HECW2: variants seen among roughly 807,000 people sequenced by gnomAD.
HECW2 encodes HECT, C2 and WW domain containing E3 ubiquitin protein ligase 2, also known as E3 ubiquitin-protein ligase HECW2.
In HECW2, 61 loss-of-function variants were observed where a neutral mutation model predicts 175.2. That is an observed-to-expected ratio of 0.35 (90% CI 0.28 to 0.43). The LOEUF (loss-of-function observed/expected upper bound fraction) is 0.43. HECW2 is among the 20% of genes least tolerant of loss of function. HECW2 has a pLI of 1.00. For synonymous variants in HECW2, 671 were observed against 731.0 expected (o/e 0.92, Z 1.32); for missense variants, 1,524 against 2,000.5 (o/e 0.76, Z 4.54).
At chr2:196,342,352 C>G (rs371411539) in intron 3 of HECW2, among the ~76,000 whole-genome samples, 2 of 148,484 alleles carry the variant, frequency 1.3e-5, no homozygotes, top group African/African-American at 5.0e-5. Context: ...TGTGATGAGC[C>G]GAGATTGCGC....
intron 16 of HECW2, among the ~76,000 whole-genome samples, chr2:196,273,049 A>ATTTTTTTTTTTTTTTTTTGTTTTTTT (rs1689801899): frequency 8.8e-6 from 1 of 113,140 alleles, no homozygotes; most frequent in African/African-American, 3.9e-5. Context: ...AGCTGGTCTA[A>ATTTTTTTTTTTTTTTTTTGTTTTTTT]TTTTTTTTTT....
intron 1 of HECW2, among the ~76,000 whole-genome samples, chr2:196,529,999 T>C (rs1483261387): frequency 2.0e-5 from 3 of 152,242 alleles, no homozygotes; most frequent in Admixed American, 6.5e-5. Context: ...GTTTGTTTAA[T>C]TTTTACTTAG....
intron 2 of HECW2, among the ~76,000 whole-genome samples, chr2:196,353,302 T>C (rs1693239285): frequency 6.6e-6 from 1 of 152,218 alleles, no homozygotes; most frequent in South Asian, 2.1e-4. Flanking sequence ...ACTGCTTCAT[T>C]TTGAAACGCA....
chr2:196,237,400 C>G (rs1157921715), intron 21 of HECW2, among the ~76,000 whole-genome samples: 1 of 152,164 alleles, frequency 6.6e-6, no homozygotes, highest in African/African-American at 2.4e-5. Flanking sequence ...GCTTTTGTGT[C>G]CTCATAGCTT....
At chr2:196,276,248 C>T (rs547500639) in intron 15 of HECW2, among the ~76,000 whole-genome samples, 4 of 152,094 alleles carry the variant, frequency 2.6e-5, no homozygotes, top group Non-Finnish European at 4.4e-5. Context: ...GGACACTCCC[C>T]CGGAAGGTTT....
chr2:196,441,964 T>C (rs933257393), intron 1 of HECW2, among the ~76,000 whole-genome samples: 8 of 152,158 alleles, frequency 5.3e-5, no homozygotes, highest in African/African-American at 9.7e-5. Flanking sequence ...TACTAAAGAA[T>C]ATGTTATAAT....
intron 2 of HECW2, among the ~76,000 whole-genome samples, chr2:196,387,317 C>T (rs918180489): frequency 2.0e-5 from 3 of 152,020 alleles, no homozygotes; most frequent in African/African-American, 4.8e-5. Flanking sequence ...AAGAGGTAGG[C>T]CTTTAAGCAG....
At chr2:196,414,062 C>T (rs1695188977) in intron 2 of HECW2, among the ~76,000 whole-genome samples, 1 of 152,236 alleles carries the variant, frequency 6.6e-6, no homozygotes, top group Admixed American at 6.5e-5. Flanking sequence ...TCAAAAAGCA[C>T]TGAGAAGACA....
At chr2:196,591,453 G>A (rs562350814) in intron 1 of HECW2, among the ~76,000 whole-genome samples, 6 of 152,278 alleles carry the variant, frequency 3.9e-5, no homozygotes, top group African/African-American at 1.4e-4. Context: ...AGACATTTTT[G>A]TTAATAAACT....
At chr2:196,211,409 C>T (rs941211539) in intron 28 of HECW2, among the ~76,000 whole-genome samples, 3 of 152,108 alleles carry the variant, frequency 2.0e-5, no homozygotes, top group Non-Finnish European at 2.9e-5. Flanking sequence ...AACCACCGAC[C>T]GCGAAGCAGA....
intron 27 of HECW2, 38 bp downstream of exon 27, chr2:196,216,970 T>C: frequency 7.7e-7 from 1 of 1,304,022 alleles, no homozygotes. Context: ...ACAATAATCA[T>C]ATTGATACAT....
At chr2:196,568,793 C>T (rs1690272756) in intron 1 of HECW2, among the ~76,000 whole-genome samples, 1 of 152,170 alleles carries the variant, frequency 6.6e-6, no homozygotes, top group South Asian at 2.1e-4. Context: ...ACTAAACCAT[C>T]AACAAGTATA....
chr2:196,423,540 C>T (rs1205954778), intron 2 of HECW2, among the ~76,000 whole-genome samples: 1 of 152,122 alleles, frequency 6.6e-6, no homozygotes, highest in African/African-American at 2.4e-5. Context: ...AAACCTTTCT[C>T]TAACACTATT....
In HECW2 at chr2:196,404,472, C is replaced by A. The variant is rs996052839; in HGVS notation, c.292+28660G>T. On this transcript the variant is annotated intron_variant, in intron 2 of 28. Coordinates refer to ENST00000644978, the MANE Select transcript of HECW2 (RefSeq NM_001348768.2). ...AGGTTCAGAGGGTCTTCTACTGCCT[C>A]CCCTAGTCAAAGATCTGTAACTTCA... 2.6e-5 allele frequency among the ~76,000 whole-genome samples: 4 copies of A among 152,300 alleles called. No homozygotes were observed. The East Asian group carries it at 7.7e-4, about 29-fold the overall frequency.
intron 2 of HECW2, among the ~76,000 whole-genome samples, chr2:196,382,229 GTATATA>G (rs67160836): frequency 4.8e-4 from 44 of 90,992 alleles, no homozygotes; most frequent in African/African-American, 9.3e-4. Context: ...GTGTGTGTGT[GTATATA>G]TATATATATA....
At chr2:196,442,729 T>C (rs1191386523) in intron 1 of HECW2, among the ~76,000 whole-genome samples, 4 of 152,148 alleles carry the variant, frequency 2.6e-5, no homozygotes, top group Admixed American at 2.0e-4. Flanking sequence ...ATAACACACA[T>C]AGAAAAAAGA....
chr2:196,298,766 C>T (rs1488554353), intron 13 of HECW2, among the ~76,000 whole-genome samples: 1 of 152,054 alleles, frequency 6.6e-6, no homozygotes, highest in Non-Finnish European at 1.5e-5. Flanking sequence ...AAACTGATAC[C>T]TTCAAGTCAT....
At chr2:196,455,831 T>C (rs1696492463) in intron 1 of HECW2, among the ~76,000 whole-genome samples, 1 of 152,046 alleles carries the variant, frequency 6.6e-6, no homozygotes, top group African/African-American at 2.4e-5. Context: ...TAATGCAGTT[T>C]GTACAATAAC....
At chr2:196,495,768 T>C (rs996163743) in intron 1 of HECW2, among the ~76,000 whole-genome samples, 1 of 152,210 alleles carries the variant, frequency 6.6e-6, no homozygotes, top group Non-Finnish European at 1.5e-5. Context: ...TAGGATTCTA[T>C]GAGATAATAT....
Sources: gnomAD v4.1 joint callset for allele counts (sites outside exome capture counted in the v4.1 genomes callset) on GRCh38, gnomAD v4.1.1 for gene constraint, MANE v1.5 for transcripts, NCBI Gene and HGNC (gene_info 2026-07-23, HGNC 2026-07-21) for gene names.